Variants in WNK4 observed in about 807,000 individuals in gnomAD.
WNK4 encodes serine/threonine-protein kinase WNK4.
A neutral mutation model predicts 116.2 loss-of-function variants in WNK4; 94 were observed. The observed-to-expected ratio is 0.81, with a 90% CI of 0.68 to 0.96. WNK4 has a LOEUF of 0.96. Ranked by LOEUF, WNK4 falls within the 40% of genes least tolerant of loss-of-function variation. The pLI is 0.00. For synonymous variants in WNK4, 655 were observed against 672.7 expected (o/e 0.97, Z 0.41); for missense variants, 1,542 against 1,650.6 (o/e 0.93, Z 1.14).
In WNK4 at chr17:42,795,059, C is replaced by T. The variant is rs1301874072; in HGVS notation, c.2638C>T (p.Pro880Ser). Residue 880 changes from proline to serine, a missense_variant, in exon 14 of 19, where the codon CCC (proline) becomes TCC (serine). Physicochemically the swap from Pro to Ser is moderately conservative, Grantham distance 74. Transcript: ENST00000246914. The part of the protein sequence containing the change: ...PEFPVPLSQC[P>S]WSSLPTTSPP... ...GTTTCCGGTCCCACTCTCTCAGTGTCCCTGGAGTTCTCTCCCCACGACTTC... is the reference window on the plus strand; with the variant it reads ...GTTTCCGGTCCCACTCTCTCAGTGTTCCTGGAGTTCTCTCCCCACGACTTC... 6.2e-7 allele frequency: 1 copy of T among 1,614,000 alleles called. No individual in the cohort carries two copies. The highest frequency in any genetic ancestry group is 1.7e-5 in the Admixed American group (1 of 60,014).
In WNK4 at chr17:42,795,336, G is replaced by C. The variant is rs1414802025; in HGVS notation, c.2915G>C (p.Gly972Ala). Reference sequence around the variant, plus strand: ...CCCCTTCCCCCTCCCGTTGCTCCTGGTGGCCAGGAAAGCCCTTCACCCCAC... The same window carrying C: ...CCCCTTCCCCCTCCCGTTGCTCCTGCTGGCCAGGAAAGCCCTTCACCCCAC... ...SLPLPPPVAP[G>A]GQESPSPHTA... Residue 972 changes from glycine (G) to alanine (A), a missense_variant, in exon 14 of 19, where the codon GGT becomes GCT. By Grantham distance (60) the Gly-to-Ala change is moderately conservative. This residue lies in a region of WNK4 where 292 missense variants were observed against 290.1 expected (regional missense o/e 1.01). Coordinates refer to ENST00000246914, the MANE Select transcript of WNK4 (RefSeq NM_032387.5). 1 of 1,613,954 alleles carries C rather than the reference G, an allele frequency of 6.2e-7. No homozygotes were observed. Among genetic ancestry groups the C allele is most frequent in the African/African-American group, 1.3e-5 (1 of 74,956 alleles).
chr17:42,796,536 GGCAA>G lies in WNK4; in HGVS notation c.3693_3696del (p.Ser1231ArgfsTer3), dbSNP rs1453364865. 5 of 1,614,084 alleles carry G rather than the reference GGCAA, an allele frequency of 3.1e-6. No homozygotes were observed. Among genetic ancestry groups the G allele is most frequent in the Non-Finnish European group, 4.2e-6 (5 of 1,179,916 alleles). On this transcript the variant is annotated frameshift_variant, in exon 18 of 19. Coordinates refer to ENST00000246914, the MANE Select transcript of WNK4 (RefSeq NM_032387.5). LOFTEE classifies it high-confidence loss of function. ...GCAGCACCGGCTCCCAGGAGCAGCGGGCAAGCAAGGGGGTGACATTCGCCGGGGA... is the reference window on the plus strand; with the variant it reads ...GCAGCACCGGCTCCCAGGAGCAGCGGGCAAGGGGGTGACATTCGCCGGGGA...
At chr17:42,783,867 TC>T (rs1433924499) in intron 2 of WNK4, 69 bp from the exon 3 acceptor site, 1 of 1,471,804 alleles carries the variant, frequency 6.8e-7, no homozygotes, top group Non-Finnish European at 9.3e-7. Context: ...GGGGGGAACT[TC>T]CCAGTGGGGG....
intron 2 of WNK4, 67 bp from the exon 3 acceptor site, chr17:42,783,870 C>T: frequency 6.7e-7 from 1 of 1,482,022 alleles, no homozygotes; most frequent in Non-Finnish European, 9.2e-7. Flanking sequence ...GGGAACTTCC[C>T]AGTGGGGGGC....
rs777488788 is a variant in WNK4, at chr17:42,783,904, C to A, written c.792-33C>A. ...GCTCCTTCCCGGAGGACGTGTCCCC[C>A]CACCAGGACTCTGGCTATGCGCCCT... is the stretch of plus-strand genomic sequence containing the variant. On this transcript the variant is annotated intron_variant, in intron 2 of 18. Transcript: ENST00000246914. The A allele has an allele frequency of 7.5e-6, 12 of 1,592,808 alleles. No homozygotes were observed. In the African/African-American group the frequency reaches 9.4e-5, roughly 12 times the overall value.
chr17:42,788,716 G>C lies in WNK4; in HGVS notation c.2076G>C (p.Gln692His), dbSNP rs2054579094. The change falls in exon 11 of 19, where the codon CAG becomes CAC. Residue 692 changes from glutamine to histidine, a missense_variant. Gln to His is a conservative substitution (Grantham distance 24). Coordinates refer to ENST00000246914, the MANE Select transcript of WNK4 (RefSeq NM_032387.5). ...SDQNDRVVEC[Q>H]LQTHNSKMVT... ...AGAATGACAGAGTGGTTGAGTGCCAGCTACAGACCCATAACAGCAAGATGG... is the reference window on the plus strand; with the variant it reads ...AGAATGACAGAGTGGTTGAGTGCCACCTACAGACCCATAACAGCAAGATGG... 6.2e-7 allele frequency: 1 copy of C among 1,614,190 alleles called. No homozygotes were observed. The highest frequency in any genetic ancestry group is 1.7e-5 in the Admixed American group (1 of 60,020).
chr17:42,788,632 T>C (rs779142347), intron 10 of WNK4, 49 bp from the exon 11 acceptor site: 1 of 1,481,462 alleles, frequency 6.8e-7, no homozygotes, highest in Non-Finnish European at 9.4e-7. Flanking sequence ...AGACACAGCA[T>C]GATGAAGAGG....
At chr17:42,783,471 G>T in intron 2 of WNK4, 1 of 294,736 alleles carries the variant, frequency 3.4e-6, no homozygotes, top group Non-Finnish European at 6.5e-6. Flanking sequence ...TTCAGCCTAA[G>T]CTCCAGACAC....
chr17:42,794,983 C>G lies in WNK4; in HGVS notation c.2562C>G (p.Pro854=). Residue 854 remains proline, a synonymous_variant, in exon 14 of 19, where the codon CCC becomes CCG. Transcript: ENST00000246914. ...TTTCTTCCCAGGTCTCCTCAAATCC[C>G]TCTCCACACCCCACCAGCTCTCCAC... The part of the protein sequence containing the change: ...SPISSQVSSN[P]SPHPTSSPLP... The G allele has an allele frequency of 6.2e-7, 1 of 1,612,978 alleles. No homozygotes were observed. The highest frequency in any genetic ancestry group is 8.5e-7 in the Non-Finnish European group (1 of 1,179,696).
At position 42,787,304 on chromosome 17, in the gene WNK4, C is replaced by T. The variant is rs546540639; in HGVS notation, c.1503C>T (p.Ala501=). 27 of 1,613,946 alleles carry T rather than the reference C, an allele frequency of 1.7e-5. No homozygotes were observed. Among genetic ancestry groups the T allele is most frequent in the East Asian group, 1.3e-4 (6 of 44,888 alleles). The change falls in exon 7 of 19, where the codon GCC becomes GCT. Residue 501 remains alanine, a synonymous_variant. Transcript: ENST00000246914. ...EMVALGLVCE[A]DYQPVARAVR... is the part of the protein sequence containing the mutation. ...TGGCTCTGGGCTTGGTCTGTGAAGC[C>T]GATTACCAGCCAGTGGCCCGTGCAG...
In WNK4 at chr17:42,788,681, G is replaced by T. The variant is rs770376195; in HGVS notation, c.2041G>T (p.Val681Phe). The T allele has an allele frequency of 1.2e-6, 2 of 1,612,872 alleles. No individual in the cohort carries two copies. The highest frequency in any genetic ancestry group is 4.5e-5 in the East Asian group (2 of 44,880). The change falls in exon 11 of 19, where the codon GTC (valine) becomes TTC (phenylalanine). Residue 681 changes from valine to phenylalanine, a missense_variant and splice_region_variant. Val to Phe is a conservative substitution (Grantham distance 50, BLOSUM62 -1). This residue lies in a region of WNK4 where 808 missense variants were observed against 873.6 expected (regional missense o/e 0.92). Coordinates refer to ENST00000246914, the MANE Select transcript of WNK4 (RefSeq NM_032387.5). The part of the protein sequence containing the change: ...RPRSRLRVTS[V>F]SDQNDRVVEC... ...CCCTCTGCTGACTTTGAATCTGAAG[G>T]TCTCAGACCAGAATGACAGAGTGGT... is the stretch of plus-strand genomic sequence containing the variant.
intron 2 of WNK4, among the ~76,000 whole-genome samples, chr17:42,783,412 G>A (rs566380217): frequency 6.6e-6 from 1 of 152,186 alleles, no homozygotes; most frequent in South Asian, 2.1e-4. Context: ...TTGGAATAAA[G>A]CCCACACAGG....
At chr17:42,789,760 C>G (rs773165001) in intron 11 of WNK4, among the ~76,000 whole-genome samples, 2 of 151,958 alleles carry the variant, frequency 1.3e-5, no homozygotes, top group Non-Finnish European at 2.9e-5. Flanking sequence ...AATCCCAGCA[C>G]TTTGGGTGGA....
intron 11 of WNK4, among the ~76,000 whole-genome samples, chr17:42,789,594 G>A (rs2054587597): frequency 6.6e-6 from 1 of 151,284 alleles, no homozygotes; most frequent in Non-Finnish European, 1.5e-5. Context: ...AACCCGGGAG[G>A]CGGAGGTTGC....
Position 42,783,949 on chromosome 17 carries a change from G to A in WNK4, c.804G>A (p.Arg268=), listed in dbSNP as rs2054512864. The change falls in exon 3 of 19, where the codon CGG becomes CGA. Residue 268 remains arginine, a synonymous_variant. Transcript: ENST00000246914. Reference sequence around the variant, plus strand: ...CGCCCTCCCCCAGGTACCTGAGGCGGTTCCGGGAGATGAAGCCGCGGGTCC... The same window carrying A: ...CGCCCTCCCCCAGGTACCTGAGGCGATTCCGGGAGATGAAGCCGCGGGTCC... ...TSGTLKTYLR[R]FREMKPRVLQ... 6.2e-7 allele frequency: 1 copy of A among 1,613,410 alleles called. No homozygotes were observed. Among genetic ancestry groups the A allele is most frequent in the African/African-American group, 1.3e-5 (1 of 74,922 alleles).
intron 10 of WNK4, 97 bp downstream of exon 10, chr17:42,788,504 A>G: frequency 7.6e-7 from 1 of 1,312,964 alleles, no homozygotes; most frequent in Non-Finnish European, 1.1e-6. Flanking sequence ...CGGGAGAAGC[A>G]GTGTATGACT....
chr17:42,780,610 G>C lies in WNK4; in HGVS notation c.-89G>C. On this transcript the variant is annotated 5_prime_UTR_variant, in exon 1 of 19. Coordinates refer to ENST00000246914, the MANE Select transcript of WNK4 (RefSeq NM_032387.5). The stretch of plus-strand genomic sequence containing the variant: ...GGGCTGGGGCCGCAGCCGCTCAGCC[G>C]GAGCGCAGCGCACCCAGCGAGTCCG... The C allele has an allele frequency of 5.2e-6, 8 of 1,552,296 alleles. No homozygotes were observed. Among genetic ancestry groups the C allele is most frequent in the Admixed American group, 3.4e-5 (2 of 58,556 alleles).
chr17:42,787,540 CTTG>C lies in WNK4; in HGVS notation c.1741_1741+2del, dbSNP rs777253974. ...CGCCACGCCAGCTACTCATCTACCA[CTTG>C]TAAGTCACCCCTGATCTTGAGACGT... On this transcript the variant is annotated splice_donor_variant and coding_sequence_variant, in exon 7 of 19. Transcript: ENST00000246914. LOFTEE classifies it high-confidence loss of function. 1 of 1,613,508 alleles carries C rather than the reference CTTG, an allele frequency of 6.2e-7. No individual in the cohort carries two copies. Among genetic ancestry groups the C allele is most frequent in the Admixed American group, 1.7e-5 (1 of 59,980 alleles).
rs551023725 is a variant in WNK4, at chr17:42,785,246, C to T, written c.1260-20C>T. 25 of 1,607,374 alleles carry T rather than the reference C, an allele frequency of 1.6e-5. No homozygotes were observed. In the South Asian group the frequency reaches 2.4e-4, roughly 16 times the overall value. On this transcript the variant is annotated intron_variant, in intron 5 of 18. Coordinates refer to ENST00000246914, the MANE Select transcript of WNK4 (RefSeq NM_032387.5). The stretch of plus-strand genomic sequence containing the variant: ...GCCGCGGGCCGCGGCGGGCTCGGCT[C>T]ACCCACGCGTCACCCTCAGGTTCAC...
Sources: allele counts gnomAD v4.1 joint callset (sites outside exome capture counted in the v4.1 genomes callset), GRCh38; gene constraint gnomAD v4.1.1; regional missense constraint gnomAD v4.1.1; transcripts MANE v1.5; gene names NCBI Gene and HGNC (gene_info 2026-07-23, HGNC 2026-07-21).